DTWD2: variants seen among roughly 807,000 people sequenced by gnomAD.
The protein encoded by DTWD2 is tRNA-uridine aminocarboxypropyltransferase 2.
DTWD2 carries 39 observed loss-of-function variants against 31.8 expected under a neutral mutation model. That is an observed-to-expected ratio of 1.22 (90% confidence interval 0.95 to 1.60). DTWD2 has a LOEUF of 1.60. Among genes scored for constraint, DTWD2 ranks in the 40% most tolerant of loss-of-function variants. The probability of loss-of-function intolerance (pLI) is 0.00; values close to 1 mark genes in which losing one functional copy is unlikely to be tolerated. For synonymous variants in DTWD2, 180 were observed against 142.8 expected (o/e 1.26, Z -1.86); for missense variants, 515 against 381.5 (o/e 1.35, Z -2.92).
chr5:118,930,120 T>G (rs59300139), intron 3 of DTWD2, among the ~76,000 whole-genome samples: 8,524 of 152,252 alleles, frequency 0.056, 758 homozygotes, highest in African/African-American at 0.19. Context: ...AATAAATTTG[T>G]ATGCCTTTTC....
chr5:118,867,769 G>A (rs567764769), intron 4 of DTWD2, among the ~76,000 whole-genome samples: 7 of 152,116 alleles, frequency 4.6e-5, no homozygotes, highest in East Asian at 1.9e-4. Flanking sequence ...AGAAATTAAC[G>A]AAGACACCAA....
intron 4 of DTWD2, among the ~76,000 whole-genome samples, chr5:118,922,876 G>A (rs1034924571): frequency 2.6e-5 from 4 of 152,072 alleles, no homozygotes; most frequent in Non-Finnish European, 5.9e-5. Flanking sequence ...GGCCATCCAG[G>A]ATTCTACTCT....
At chr5:118,854,379 C>A (rs1752082861) in intron 4 of DTWD2, among the ~76,000 whole-genome samples, 1 of 151,688 alleles carries the variant, frequency 6.6e-6, no homozygotes, top group African/African-American at 2.4e-5. Flanking sequence ...TCATTAATTT[C>A]TCTTAGGATA....
intron 4 of DTWD2, among the ~76,000 whole-genome samples, chr5:118,917,329 T>G (rs1753600161): frequency 6.6e-6 from 1 of 152,298 alleles, no homozygotes; most frequent in South Asian, 2.1e-4. Context: ...GAGGGTCCCT[T>G]TCCCTAAAAT....
intron 1 of DTWD2, among the ~76,000 whole-genome samples, chr5:118,958,685 A>C (rs1245875690): frequency 6.6e-6 from 1 of 152,140 alleles, no homozygotes; most frequent in Non-Finnish European, 1.5e-5. Flanking sequence ...ATGAACATAA[A>C]TGCAAAAATC....
At chr5:118,925,246 C>T (rs915994758) in intron 4 of DTWD2, among the ~76,000 whole-genome samples, 13 of 152,104 alleles carry the variant, frequency 8.5e-5, no homozygotes, top group African/African-American at 3.1e-4. Flanking sequence ...AATCCTTTTA[C>T]AGTATCAAAC....
rs571571964 is a variant in DTWD2 at position 118,979,047 on chromosome 5, A to G, written c.218+9247T>C. On this transcript the variant is annotated intron_variant, in intron 1 of 5. Transcript: ENST00000510708. ...AGGCCAGGCGCGGTGGCTCACGCCTATAATCCCAGCACTTTGGGAGGCCAA... is the reference window on the plus strand; with the variant it reads ...AGGCCAGGCGCGGTGGCTCACGCCTGTAATCCCAGCACTTTGGGAGGCCAA... Among the ~76,000 whole-genome samples, 29 of 151,790 alleles carry G rather than the reference A, an allele frequency of 1.9e-4. 1 individual carries two copies. The highest frequency in any genetic ancestry group is 6.8e-4 in the African/African-American group (28 of 41,384).
chr5:118,957,731 G>C (rs944856500), intron 1 of DTWD2, among the ~76,000 whole-genome samples: 1 of 152,170 alleles, frequency 6.6e-6, no homozygotes, highest in African/African-American at 2.4e-5. Context: ...GGCATGCCTA[G>C]AGCAGTGAAG....
At position 118,986,622 on chromosome 5, in the gene DTWD2, T is replaced by G. The variant is rs570106995; in HGVS notation, c.218+1672A>C. ...TAAAGAAGTTCACCCAGGGTACTAG[T>G]AGAACTCTAATAGCATAATGAAATA... On this transcript the variant is annotated intron_variant, in intron 1 of 5. Transcript: ENST00000510708. Among the ~76,000 whole-genome samples, 3 of 152,298 alleles carry G rather than the reference T, an allele frequency of 2.0e-5. No individual in the cohort carries two copies. In the South Asian group the frequency reaches 6.2e-4, roughly 32 times the overall value.
At chr5:118,856,696 C>T (rs1361488154) in intron 4 of DTWD2, among the ~76,000 whole-genome samples, 1 of 143,826 alleles carries the variant, frequency 7.0e-6, no homozygotes, top group African/African-American at 2.6e-5. Context: ...TTGTATTTTT[C>T]TTTACTAAAT....
At position 118,898,140 on chromosome 5, in the gene DTWD2, T is replaced by C. The variant is rs937818351; in HGVS notation, c.597+30397A>G. On this transcript the variant is annotated intron_variant, in intron 4 of 5. Transcript: ENST00000510708. ...TTGACCTCCCAAAGTGCTGAGATTA[T>C]AGGCATGAGCCACCATGCCCAGCCA... is the stretch of plus-strand genomic sequence containing the variant. Among the ~76,000 whole-genome samples the C allele has an allele frequency of 7.9e-5, 12 of 151,908 alleles. 1 individual carries two copies. The highest frequency in any genetic ancestry group is 2.7e-4 in the African/African-American group (11 of 41,382).
chr5:118,939,285 G>A lies in DTWD2; in HGVS notation c.315C>T (p.Asn105=), dbSNP rs370454959. 15 of 1,566,386 alleles carry A rather than the reference G, an allele frequency of 9.6e-6. No individual in the cohort carries two copies. Among genetic ancestry groups the A allele is most frequent in the African/African-American group, 2.8e-5 (2 of 72,664 alleles). The change falls in exon 3 of 6, where the codon AAC becomes AAT. Residue 105 remains asparagine (N), a synonymous_variant. Transcript: ENST00000510708. ...LYIIQHPAEE[N]KVLRTVPLLA... ...GTAGAGGAACTGTACGCAACACTTT[G>A]TTTTCCTTTAATTAAAAAATGAATT...
intron 2 of DTWD2, among the ~76,000 whole-genome samples, chr5:118,943,871 A>C (rs55866049): frequency 0.059 from 9,059 of 152,296 alleles, 564 homozygotes; most frequent in African/African-American, 0.16. Flanking sequence ...AGAAAGCTTG[A>C]CTGCGTCTAT....
intron 1 of DTWD2, among the ~76,000 whole-genome samples, chr5:118,982,308 A>AT (rs1240191113): frequency 6.6e-6 from 1 of 152,168 alleles, no homozygotes; most frequent in Non-Finnish European, 1.5e-5. Context: ...TATAATTCCT[A>AT]TTTTTCCTAG....
chr5:118,948,247 G>A (rs1754383205), intron 1 of DTWD2, among the ~76,000 whole-genome samples: 4 of 151,974 alleles, frequency 2.6e-5, no homozygotes, highest in South Asian at 2.1e-4. Context: ...AGGCCGAGGC[G>A]GGCGGATCAC....
chr5:118,890,740 T>A (rs1752961482), intron 4 of DTWD2, among the ~76,000 whole-genome samples: 1 of 152,034 alleles, frequency 6.6e-6, no homozygotes, highest in Non-Finnish European at 1.5e-5. Context: ...CCAGGTAATT[T>A]TTGTATTTTT....
At chr5:118,929,238 G>A (rs1320080002) in intron 3 of DTWD2, among the ~76,000 whole-genome samples, 1 of 152,170 alleles carries the variant, frequency 6.6e-6, no homozygotes, top group Non-Finnish European at 1.5e-5. Flanking sequence ...GGCCTGAGAA[G>A]GACTCCATAC....
Position 118,879,289 on chromosome 5 carries a change from A to G in DTWD2, c.598-31071T>C, listed in dbSNP as rs548204016. On this transcript the variant is annotated intron_variant, in intron 4 of 5. Transcript: ENST00000510708. ...AAGGAAAATGCAGTACATATACACCATGGAATATTACGCAGCCATTAAAAA... is the reference window on the plus strand; with the variant it reads ...AAGGAAAATGCAGTACATATACACCGTGGAATATTACGCAGCCATTAAAAA... 2.0e-5 allele frequency among the ~76,000 whole-genome samples: 3 copies of G among 152,310 alleles called. No homozygotes were observed. In the South Asian group the frequency reaches 6.2e-4, roughly 32 times the overall value.
chr5:118,982,581 A>G (rs901541083), intron 1 of DTWD2, among the ~76,000 whole-genome samples: 7 of 152,240 alleles, frequency 4.6e-5, no homozygotes, highest in Middle Eastern at 3.4e-3. Context: ...TCTTGAGAAT[A>G]TATCTTTGAT....
Sources: allele counts gnomAD v4.1 joint callset (sites outside exome capture counted in the v4.1 genomes callset), GRCh38; gene constraint gnomAD v4.1.1; transcripts MANE v1.5; gene names NCBI Gene and HGNC (gene_info 2026-07-23, HGNC 2026-07-21).